DNAJC10: variants seen among roughly 807,000 people sequenced by gnomAD.
DNAJC10 encodes the protein DnaJ heat shock protein family (Hsp40) member C10.
Under a neutral mutation model 115.0 loss-of-function variants are expected in DNAJC10, and 101 were observed. The observed-to-expected ratio is 0.88, with a 90% CI of 0.75 to 1.04. DNAJC10 has a LOEUF of 1.04. DNAJC10 is among the 50% of genes least tolerant of loss of function. The pLI is 0.00. For synonymous variants in DNAJC10, 307 were observed against 301.5 expected (o/e 1.02, Z -0.19); for missense variants, 981 against 928.8 (o/e 1.06, Z -0.73).
intron 17 of DNAJC10, among the ~76,000 whole-genome samples, chr2:182,755,493 A>G (rs1374005955): frequency 2.0e-5 from 3 of 147,542 alleles, no homozygotes; most frequent in Non-Finnish European, 3.0e-5. Flanking sequence ...GGGGACTCCT[A>G]GAAAAAAAAA....
intron 23 of DNAJC10, among the ~76,000 whole-genome samples, chr2:182,775,677 ATT>A (rs1395380929): frequency 1.3e-5 from 2 of 152,236 alleles, no homozygotes; most frequent in African/African-American, 4.8e-5. Context: ...GTATACAAAT[ATT>A]TATAGCTGTA....
chr2:182,762,907 TTTA>T (rs1386935509), intron 22 of DNAJC10, 106 bp downstream of exon 22: 10 of 1,272,436 alleles, frequency 7.9e-6, no homozygotes, highest in Non-Finnish European at 1.1e-5. Flanking sequence ...TTGTCATTTT[TTTA>T]TATTATTACA....
At chr2:182,727,199 C>T (rs1011723057) in intron 5 of DNAJC10, among the ~76,000 whole-genome samples, 1 of 149,684 alleles carries the variant, frequency 6.7e-6, no homozygotes, top group African/African-American at 2.6e-5. Flanking sequence ...AACAAACCCA[C>T]AATATCTGAG....
intron 22 of DNAJC10, among the ~76,000 whole-genome samples, chr2:182,768,992 C>T (rs906903639): frequency 6.6e-6 from 1 of 152,098 alleles, no homozygotes; most frequent in South Asian, 2.1e-4. Flanking sequence ...AACTCCCCAA[C>T]AGGCCCCAGT....
intron 14 of DNAJC10, among the ~76,000 whole-genome samples, chr2:182,750,947 A>G (rs1277212107): frequency 6.6e-6 from 1 of 152,110 alleles, no homozygotes; most frequent in Non-Finnish European, 1.5e-5. Context: ...ATCCAAGTAC[A>G]GTTTTTCACT....
At chr2:182,717,591 G>A (rs981007902) in intron 2 of DNAJC10, among the ~76,000 whole-genome samples, 1 of 152,214 alleles carries the variant, frequency 6.6e-6, no homozygotes, top group Non-Finnish European at 1.5e-5. Flanking sequence ...GTAGCTAAAA[G>A]GAAGAGGTAT....
chr2:182,731,209 C>A, intron 9 of DNAJC10, 102 bp downstream of exon 9: 1 of 737,156 alleles, frequency 1.4e-6, no homozygotes. Context: ...GTACTAGAAA[C>A]TACAATTTAT....
At position 182,740,280 on chromosome 2, in the gene DNAJC10, T is replaced by A. The variant is rs1425373746; in HGVS notation, c.988-19T>A. On this transcript the variant is annotated intron_variant, in intron 11 of 23. Transcript: ENST00000264065. The stretch of plus-strand genomic sequence containing the variant: ...GAATATTTATTCAAAAAGATTACAA[T>A]GTGATTTTCTTTTTCTAGTTTCTCA... 1.5e-6 allele frequency: 2 copies of A among 1,357,246 alleles called. No individual in the cohort carries two copies. The highest frequency in any genetic ancestry group is 2.0e-6 in the Non-Finnish European group (2 of 1,003,264). The allele number at this position is 1,357,246 out of a possible 1,614,324, so 84.1% of individuals were successfully genotyped here. A position where few individuals can be genotyped will look rare whatever the true frequency, so the allele number is the denominator to read the frequency against.
At chr2:182,744,042 A>C (rs147289255) in intron 14 of DNAJC10, among the ~76,000 whole-genome samples, 9 of 152,354 alleles carry the variant, frequency 5.9e-5, no homozygotes, top group African/African-American at 2.2e-4. Context: ...CATCTCAGCC[A>C]TTATAGGCAA....
intron 5 of DNAJC10, among the ~76,000 whole-genome samples, chr2:182,723,627 TCTC>T (rs1405301050): frequency 2.6e-5 from 4 of 152,164 alleles, no homozygotes; most frequent in Non-Finnish European, 4.4e-5. Context: ...TTGTCTCTCA[TCTC>T]CTAATATATC....
At position 182,720,004 on chromosome 2, in the gene DNAJC10, C is replaced by T. The variant is rs1693107411; in HGVS notation, c.205-3C>T. 6.8e-7 allele frequency: 1 copy of T among 1,467,838 alleles called. No homozygotes were observed. Among genetic ancestry groups the T allele is most frequent in the Non-Finnish European group, 9.4e-7 (1 of 1,068,826 alleles). The allele number at this position is 1,467,838 out of a possible 1,614,324, so 90.9% of individuals were successfully genotyped here. On this transcript the variant is annotated splice_region_variant and splice_polypyrimidine_tract_variant and intron_variant, in intron 3 of 23. Coordinates refer to ENST00000264065, the MANE Select transcript of DNAJC10 (RefSeq NM_018981.4). Reference sequence around the variant, plus strand: ...TTGTATTATATCTAATATTTTTTAACAGAATAACCCAAATGCACATGGCGA... The same window carrying T: ...TTGTATTATATCTAATATTTTTTAATAGAATAACCCAAATGCACATGGCGA...
chr2:182,756,271 A>T (rs772123375), intron 17 of DNAJC10, 43 bp from the exon 18 acceptor site: 1 of 1,505,724 alleles, frequency 6.6e-7, no homozygotes, highest in Admixed American at 2.0e-5. Flanking sequence ...ATGAACAGCT[A>T]TGCTTTATAT....
chr2:182,722,058 T>G lies in DNAJC10; in HGVS notation c.401T>G (p.Leu134Trp). The G allele has an allele frequency of 1.9e-6, 3 of 1,565,650 alleles. No homozygotes were observed. Among genetic ancestry groups the G allele is most frequent in the Non-Finnish European group, 2.6e-6 (3 of 1,152,478 alleles). Residue 134 changes from leucine to tryptophan, a missense_variant, in exon 5 of 24, where the codon TTG (leucine) becomes TGG (tryptophan). By Grantham distance (61) the Leu-to-Trp change is moderately conservative. Coordinates refer to ENST00000264065, the MANE Select transcript of DNAJC10 (RefSeq NM_018981.4). ...IYDDDPEIIT[L>W]ERREFDAAVN... Reference sequence around the variant, plus strand: ...GATGATGATCCTGAAATCATAACATTGGAAAGAAGAGAATTTGGTAAGTTT... The same window carrying G: ...GATGATGATCCTGAAATCATAACATGGGAAAGAAGAGAATTTGGTAAGTTT...
chr2:182,759,526 A>G (rs1328269889), intron 21 of DNAJC10, among the ~76,000 whole-genome samples: 1 of 152,090 alleles, frequency 6.6e-6, no homozygotes, highest in Non-Finnish European at 1.5e-5. Context: ...AGACATCATC[A>G]TCTACTAGCC....
chr2:182,748,016 A>G (rs1318341140), intron 14 of DNAJC10, among the ~76,000 whole-genome samples: 1 of 147,594 alleles, frequency 6.8e-6, no homozygotes, highest in Non-Finnish European at 1.5e-5. Context: ...GGTTCTGTTT[A>G]TATGCTGGAT....
rs1433695192 is a variant in DNAJC10, at chr2:182,747,977, A to G, written c.1307-3681A>G. Among the ~76,000 whole-genome samples, 9 of 149,868 alleles carry G rather than the reference A, an allele frequency of 6.0e-5. No homozygotes were observed. In the East Asian group the frequency reaches 7.8e-4, roughly 13 times the overall value. On this transcript the variant is annotated intron_variant, in intron 14 of 23. Transcript: ENST00000264065. Reference sequence around the variant, plus strand: ...TTTGTCAAAGGCCTTTTCTGCATCTATTGAGATAATCATGTGGTTTTTGTC... The same window carrying G: ...TTTGTCAAAGGCCTTTTCTGCATCTGTTGAGATAATCATGTGGTTTTTGTC...
chr2:182,747,158 G>A (rs1160397807), intron 14 of DNAJC10, among the ~76,000 whole-genome samples: 3 of 150,888 alleles, frequency 2.0e-5, no homozygotes, highest in Admixed American at 2.0e-4. Flanking sequence ...TTGAAGTCAG[G>A]TAGTGTGATG....
intron 5 of DNAJC10, among the ~76,000 whole-genome samples, chr2:182,725,756 A>G (rs2105614620): frequency 6.6e-6 from 1 of 152,324 alleles, no homozygotes; most frequent in Non-Finnish European, 1.5e-5. Context: ...CCCGACATAG[A>G]AGCTGCAGCA....
chr2:182,747,068 G>C (rs1024401121), intron 14 of DNAJC10, among the ~76,000 whole-genome samples: 2 of 152,118 alleles, frequency 1.3e-5, no homozygotes, highest in African/African-American at 4.8e-5. Context: ...TCTGAGGGCT[G>C]TGTTCTGTTC....
Sources: gnomAD v4.1 joint callset for allele counts (sites outside exome capture counted in the v4.1 genomes callset) on GRCh38, gnomAD v4.1.1 for gene constraint, MANE v1.5 for transcripts, NCBI Gene and HGNC (gene_info 2026-07-23, HGNC 2026-07-21) for gene names.